The following SORCS1 variants were observed in gnomAD, a reference collection of about 807,000 sequenced individuals.
The protein encoded by SORCS1 is sortilin related VPS10 domain containing receptor 1.
In SORCS1, 60 loss-of-function variants were observed where a neutral mutation model predicts 146.1. The ratio of observed to expected loss-of-function variants is 0.41; its 90% CI spans 0.33 to 0.51. The LOEUF (loss-of-function observed/expected upper bound fraction) is 0.51. SORCS1 is among the 20% of genes least tolerant of loss of function. The pLI, the probability that SORCS1 is intolerant of heterozygous loss-of-function variation, is 0.21. For missense variants in SORCS1, 1,352 were observed against 1,487.6 expected (o/e 0.91, Z 1.50); for synonymous variants, 637 against 584.0 (o/e 1.09, Z -1.31).
intron 3 of SORCS1, among the ~76,000 whole-genome samples, chr10:106,790,532 G>T (rs1265477115): frequency 1.3e-5 from 2 of 152,186 alleles, no homozygotes; most frequent in Non-Finnish European, 2.9e-5. Flanking sequence ...CTCATTGTCA[G>T]GATGTGGTAA....
intron 24 of SORCS1, among the ~76,000 whole-genome samples, chr10:106,592,427 C>T (rs17121023): frequency 0.04 from 6,136 of 152,272 alleles, 185 homozygotes; most frequent in African/African-American, 0.08. Context: ...GGAAGTGAAT[C>T]TGAAAACCAA....
chr10:106,910,958 TA>T (rs1406440645), intron 2 of SORCS1, among the ~76,000 whole-genome samples: 1 of 152,230 alleles, frequency 6.6e-6, no homozygotes, highest in Non-Finnish European at 1.5e-5. Flanking sequence ...CTATGATAAT[TA>T]CCTGGATTTG....
chr10:107,020,898 A>G (rs1027635167), intron 1 of SORCS1, among the ~76,000 whole-genome samples: 4 of 152,148 alleles, frequency 2.6e-5, no homozygotes, highest in African/African-American at 9.7e-5. Context: ...CTGTCTCTAT[A>G]TACATTGTAC....
intron 1 of SORCS1, among the ~76,000 whole-genome samples, chr10:107,033,661 T>C (rs1256701013): frequency 6.6e-6 from 1 of 152,232 alleles, no homozygotes; most frequent in Non-Finnish European, 1.5e-5. Context: ...TCCCTTGTTT[T>C]ACAGACTACA....
chr10:106,905,192 T>C (rs1951861082), intron 2 of SORCS1, among the ~76,000 whole-genome samples: 1 of 152,142 alleles, frequency 6.6e-6, no homozygotes, highest in Non-Finnish European at 1.5e-5. Flanking sequence ...ACCAAATTGC[T>C]AAATAAATCC....
chr10:106,712,508 G>A (rs924257836), intron 6 of SORCS1, among the ~76,000 whole-genome samples: 1 of 152,178 alleles, frequency 6.6e-6, no homozygotes, highest in African/African-American at 2.4e-5. Flanking sequence ...TCAAAAGAAA[G>A]CATAAACATC....
At chr10:106,910,524 C>T (rs1352482222) in intron 2 of SORCS1, among the ~76,000 whole-genome samples, 2 of 152,090 alleles carry the variant, frequency 1.3e-5, no homozygotes, top group Non-Finnish European at 2.9e-5. Context: ...CCATCAGTCA[C>T]TGAAGAAATG....
At chr10:107,057,035 A>G (rs545821169) in intron 1 of SORCS1, among the ~76,000 whole-genome samples, 16 of 152,264 alleles carry the variant, frequency 1.1e-4, no homozygotes, top group African/African-American at 3.9e-4. Context: ...TAAATCCTCA[A>G]TTGCTTGACC....
At position 106,675,087 on chromosome 10, in the gene SORCS1, C is replaced by G. The variant is rs761548084; in HGVS notation, c.1902G>C (p.Gly634=). The G allele has an allele frequency of 6.2e-7, 1 of 1,613,820 alleles. No individual in the cohort carries two copies. Among genetic ancestry groups the G allele is most frequent in the Non-Finnish European group, 8.5e-7 (1 of 1,179,850 alleles). ...TCTCTTCTCCAGGCTCACCCAGAACCCCATCCACAAAAAGTGGAATAGATG... is the reference window on the plus strand; with the variant it reads ...TCTCTTCTCCAGGCTCACCCAGAACGCCATCCACAAAAAGTGGAATAGATG... The part of the protein sequence containing the change: ...SFTSIPLFVD[G]VLGEPGEETL... The change falls in exon 14 of 26, where the codon GGG becomes GGC. Residue 634 remains glycine, a synonymous_variant. Coordinates refer to ENST00000263054, the MANE Select transcript of SORCS1 (RefSeq NM_052918.5).
chr10:106,768,532 G>A (rs529522318), intron 4 of SORCS1, among the ~76,000 whole-genome samples: 43 of 152,120 alleles, frequency 2.8e-4, no homozygotes, highest in Non-Finnish European at 1.5e-4. Context: ...AACAAATAGA[G>A]TTAATGTGAA....
At chr10:106,858,146 A>G (rs892023736) in intron 2 of SORCS1, among the ~76,000 whole-genome samples, 1 of 152,228 alleles carries the variant, frequency 6.6e-6, no homozygotes, top group African/African-American at 2.4e-5. Context: ...TCTGTCATGT[A>G]TCACAGAATT....
intron 19 of SORCS1, among the ~76,000 whole-genome samples, chr10:106,622,350 AAC>A (rs1847809209): frequency 6.6e-6 from 1 of 151,740 alleles, no homozygotes; most frequent in Non-Finnish European, 1.5e-5. Context: ...AATGATAGCT[AAC>A]ACACATTGAT....
At chr10:107,106,644 C>T (rs776587610) in intron 1 of SORCS1, among the ~76,000 whole-genome samples, 4 of 152,096 alleles carry the variant, frequency 2.6e-5, no homozygotes, top group Non-Finnish European at 5.9e-5. Flanking sequence ...TCCTTTTTAA[C>T]CATATTTTCA....
upstream of SORCS1, among the ~76,000 whole-genome samples, chr10:107,168,268 A>G (rs752343440): frequency 3.9e-5 from 6 of 152,186 alleles, no homozygotes; most frequent in Non-Finnish European, 5.9e-5. Context: ...TTCACTTTAA[A>G]TATACAACCT....
At chr10:106,644,474 C>A (rs1316010450) in intron 18 of SORCS1, among the ~76,000 whole-genome samples, 2 of 152,068 alleles carry the variant, frequency 1.3e-5, no homozygotes, top group African/African-American at 4.8e-5. Context: ...TCAAGCAATT[C>A]TCCTGCCTCA....
At chr10:106,949,430 CA>C (rs1296681185) in intron 2 of SORCS1, among the ~76,000 whole-genome samples, 1 of 152,124 alleles carries the variant, frequency 6.6e-6, no homozygotes, top group African/African-American at 2.4e-5. Context: ...AGAGGGCTAA[CA>C]AACACACAGG....
intron 10 of SORCS1, among the ~76,000 whole-genome samples, chr10:106,686,455 T>G (rs1852848602): frequency 6.6e-6 from 1 of 152,052 alleles, no homozygotes; most frequent in African/African-American, 2.4e-5. Flanking sequence ...AAGTGCAGAG[T>G]AGAGACCAGC....
intron 2 of SORCS1, among the ~76,000 whole-genome samples, chr10:106,837,555 C>T (rs749475069): frequency 2.7e-5 from 4 of 150,106 alleles, no homozygotes; most frequent in Non-Finnish European, 5.9e-5. Flanking sequence ...GAAAAAGCCC[C>T]CTTTGGGGTA....
intron 1 of SORCS1, among the ~76,000 whole-genome samples, chr10:106,976,333 G>GTTTTTTTTTGTTTTTTTTTTTTTTTTTTT (rs1554901319): frequency 3.5e-5 from 4 of 113,804 alleles, no homozygotes; most frequent in East Asian, 4.9e-4. Context: ...AGGTTTTTTT[G>GTTTTTTTTTGTTTTTTTTTTTTTTTTTTT]TTTTTTTTTT....
Sources: gnomAD v4.1 joint callset for allele counts (sites outside exome capture counted in the v4.1 genomes callset) on GRCh38, gnomAD v4.1.1 for gene constraint, MANE v1.5 for transcripts, NCBI Gene and HGNC (gene_info 2026-07-23, HGNC 2026-07-21) for gene names.